LRBA: variants seen among roughly 807,000 people sequenced by gnomAD.
The protein encoded by LRBA is LPS responsive beige-like anchor protein.
In LRBA, 176 loss-of-function variants were observed where a neutral mutation model predicts 330.0. The observed-to-expected ratio is 0.53, with a 90% CI of 0.47 to 0.60. The LOEUF (loss-of-function observed/expected upper bound fraction) is 0.60, where lower values mean the gene tolerates loss of function less well. LRBA is among the 20% of genes least tolerant of loss of function. The pLI is 0.00. For missense variants in LRBA, 3,259 were observed against 3,444.8 expected, an observed-to-expected ratio of 0.95 and a Z score of 1.35; for synonymous variants, 1,230 against 1,193.0, an observed-to-expected ratio of 1.03 and a Z score of -0.64.
chr4:150,880,966 A>G (rs1728315233), intron 17 of LRBA, among the ~76,000 whole-genome samples: 1 of 152,224 alleles, frequency 6.6e-6, no homozygotes, highest in African/African-American at 2.4e-5. Flanking sequence ...ATCATCAGCA[A>G]AATGCAAATC....
At chr4:150,679,305 C>G (rs889597855) in intron 37 of LRBA, among the ~76,000 whole-genome samples, 10 of 152,142 alleles carry the variant, frequency 6.6e-5, no homozygotes, top group Non-Finnish European at 1.5e-4. Context: ...TTAGGCCTGC[C>G]TTTCCTTGGA....
intron 36 of LRBA, among the ~76,000 whole-genome samples, chr4:150,700,441 A>G (rs975917193): frequency 6.6e-6 from 1 of 152,238 alleles, no homozygotes; most frequent in Non-Finnish European, 1.5e-5. Context: ...TACAGGGCAC[A>G]TACCATGAAT....
At chr4:150,276,458 C>G (rs1387047724) in intron 56 of LRBA, among the ~76,000 whole-genome samples, 1 of 152,128 alleles carries the variant, frequency 6.6e-6, no homozygotes, top group Admixed American at 6.5e-5. Flanking sequence ...AGCTTCTGCA[C>G]AGCAAAAGAA....
intron 40 of LRBA, among the ~76,000 whole-genome samples, chr4:150,561,357 C>T (rs1768315950): frequency 6.6e-6 from 1 of 152,062 alleles, no homozygotes; most frequent in Admixed American, 6.6e-5. Flanking sequence ...ATTCTATTCC[C>T]TGGAATTCAT....
At chr4:150,533,313 T>C (rs371981542) in intron 40 of LRBA, among the ~76,000 whole-genome samples, 1 of 152,058 alleles carries the variant, frequency 6.6e-6, no homozygotes, top group Non-Finnish European at 1.5e-5. Flanking sequence ...CTCAGGTAAC[T>C]AGTCACATGT....
At chr4:150,786,042 G>A (rs1387625534) in intron 34 of LRBA, among the ~76,000 whole-genome samples, 1 of 152,122 alleles carries the variant, frequency 6.6e-6, no homozygotes, top group Non-Finnish European at 1.5e-5. Context: ...GCCAGAAATG[G>A]CTAATCTATG....
At chr4:150,517,670 C>T (rs777664537) in intron 40 of LRBA, among the ~76,000 whole-genome samples, 1 of 152,090 alleles carries the variant, frequency 6.6e-6, no homozygotes, top group Non-Finnish European at 1.5e-5. Flanking sequence ...TAATAAGCTG[C>T]GGGTATATTC....
At chr4:150,940,073 TA>T (rs567622270) in intron 2 of LRBA, among the ~76,000 whole-genome samples, 18 of 144,706 alleles carry the variant, frequency 1.2e-4, no homozygotes, top group Admixed American at 3.4e-4. Flanking sequence ...ATAATAAACT[TA>T]AAAAAAAAAA....
chr4:150,685,387 A>T (rs1390441511), intron 36 of LRBA, among the ~76,000 whole-genome samples: 1 of 12,336 alleles, frequency 8.1e-5, no homozygotes, highest in East Asian at 2.7e-3. Flanking sequence ...TAAGGAATCA[A>T]ATATATATAT....
At chr4:150,916,761 T>A (rs1732640622) in intron 5 of LRBA, 23 bp from the exon 6 acceptor site, 1 of 1,513,920 alleles carries the variant, frequency 6.6e-7, no homozygotes, top group South Asian at 1.4e-5. Context: ...AACTTTGAGT[T>A]ATTAACTCAC....
chr4:150,983,347 G>A (rs967181102), intron 2 of LRBA, among the ~76,000 whole-genome samples: 1 of 151,864 alleles, frequency 6.6e-6, no homozygotes, highest in Non-Finnish European at 1.5e-5. Flanking sequence ...CCCAGTTACT[G>A]AGGAAGTTGA....
chr4:150,631,841 CATCCACATGGAAAA>C (rs1033587316), intron 37 of LRBA, among the ~76,000 whole-genome samples: 2 of 152,154 alleles, frequency 1.3e-5, no homozygotes, highest in Non-Finnish European at 1.5e-5. Flanking sequence ...GCCAGAAGTA[CATCCACATGGAAAA>C]ATCAAAAAGG....
Position 150,423,023 on chromosome 4 carries a change from C to T in LRBA, c.7042-7433G>A, listed in dbSNP as rs921303871. On this transcript the variant is annotated intron_variant, in intron 46 of 56. Coordinates refer to ENST00000651943, the MANE Select transcript of LRBA (RefSeq NM_001364905.1). ...ACAGGCTGAGCCTGGCCTAGAGCTT[C>T]CAAGGCTTGTCCTCAATGGAACTTC... 5 of 786,696 alleles carry T rather than the reference C, an allele frequency of 6.4e-6. No individual in the cohort carries two copies. The African/African-American group carries it at 8.4e-5, about 13-fold the overall frequency. The allele number at this position is 786,696 out of a possible 1,614,324, so 48.7% of individuals were successfully genotyped here. A position where few individuals can be genotyped will look rare whatever the true frequency, so the allele number is the denominator to read the frequency against.
chr4:150,837,547 T>G (rs956665870), intron 28 of LRBA, among the ~76,000 whole-genome samples: 15 of 152,206 alleles, frequency 9.9e-5, no homozygotes, highest in African/African-American at 3.1e-4. Flanking sequence ...TACCATTATG[T>G]AATGGCCTTG....
At chr4:150,607,370 AT>A (rs1486534806) in intron 37 of LRBA, among the ~76,000 whole-genome samples, 2 of 152,126 alleles carry the variant, frequency 1.3e-5, no homozygotes, top group Non-Finnish European at 2.9e-5. Context: ...AAGACTTCAC[AT>A]GATATTCAAA....
chr4:150,559,517 CA>C (rs1276522648), intron 40 of LRBA, among the ~76,000 whole-genome samples: 2 of 130,608 alleles, frequency 1.5e-5, no homozygotes, highest in Non-Finnish European at 1.6e-5. Flanking sequence ...GACTCCATCT[CA>C]AAAAAATATA....
intron 2 of LRBA, among the ~76,000 whole-genome samples, chr4:150,981,394 C>T (rs1220583548): frequency 5.3e-5 from 7 of 131,086 alleles, no homozygotes; most frequent in South Asian, 2.5e-4. Context: ...GCCTCGGCGA[C>T]GGAGTGAGAC....
At chr4:150,477,691 C>A (rs970255451) in intron 42 of LRBA, among the ~76,000 whole-genome samples, 1 of 151,916 alleles carries the variant, frequency 6.6e-6, no homozygotes, top group Admixed American at 6.6e-5. Context: ...GGTAAATTTC[C>A]CCCTTGCTGT....
At chr4:150,399,836 G>T (rs1745228554) in intron 47 of LRBA, among the ~76,000 whole-genome samples, 1 of 152,152 alleles carries the variant, frequency 6.6e-6, no homozygotes, top group South Asian at 2.1e-4. Flanking sequence ...GCAGCTGAGT[G>T]TGGTAGTGTG....
Sources: allele counts gnomAD v4.1 joint callset (sites outside exome capture counted in the v4.1 genomes callset), GRCh38; gene constraint gnomAD v4.1.1; transcripts MANE v1.5; gene names NCBI Gene and HGNC (gene_info 2026-07-23, HGNC 2026-07-21).